The following UMAD1 variants were observed in gnomAD, a reference collection of about 807,000 sequenced individuals.
UMAD1 encodes UBAP1-MVB12-associated (UMA)-domain containing protein 1.
UMAD1 carries 8 observed loss-of-function variants against 6.1 expected under a neutral mutation model. That is an observed-to-expected ratio of 1.30 (90% CI 0.76 to 2.35). The LOEUF (loss-of-function observed/expected upper bound fraction) is 2.35, where lower values mean the gene tolerates loss of function less well. Among genes scored for constraint, UMAD1 ranks in the 30% most tolerant of loss-of-function variants. UMAD1 has a pLI of 0.00. For missense variants in UMAD1, 130 were observed against 78.4 expected (o/e 1.66, Z -2.49); for synonymous variants, 56 against 31.4 (o/e 1.78, Z -2.61).
intron 2 of UMAD1, among the ~76,000 whole-genome samples, chr7:7,719,619 A>C (rs1781004035): frequency 6.6e-6 from 1 of 151,656 alleles, no homozygotes; most frequent in East Asian, 1.9e-4. Flanking sequence ...GAGTTGAGCT[A>C]TAGACAGCCA....
At chr7:7,828,316 A>G (rs1239464586) in intron 3 of UMAD1, among the ~76,000 whole-genome samples, 1 of 152,164 alleles carries the variant, frequency 6.6e-6, no homozygotes. Flanking sequence ...ATGCACATAT[A>G]TCATATAGCT....
intron 2 of UMAD1, among the ~76,000 whole-genome samples, chr7:7,679,854 T>C (rs1042974069): frequency 6.6e-6 from 1 of 151,542 alleles, no homozygotes; most frequent in African/African-American, 2.4e-5. Flanking sequence ...CGTGAGCTGC[T>C]ATGCCTGGCC....
intron 2 of UMAD1, among the ~76,000 whole-genome samples, chr7:7,757,869 C>T (rs1781808491): frequency 6.6e-6 from 1 of 152,120 alleles, no homozygotes; most frequent in Non-Finnish European, 1.5e-5. Context: ...ACTCCCGCCA[C>T]CATTCCAGAG....
At chr7:7,696,808 C>T (rs536154940) in intron 2 of UMAD1, among the ~76,000 whole-genome samples, 2 of 152,264 alleles carry the variant, frequency 1.3e-5, no homozygotes, top group East Asian at 3.9e-4. Flanking sequence ...ACCACACTAA[C>T]ATGTAGATGT....
chr7:7,812,587 G>C (rs953653392), intron 3 of UMAD1, among the ~76,000 whole-genome samples: 24 of 152,086 alleles, frequency 1.6e-4, no homozygotes, highest in Non-Finnish European at 2.4e-4. Context: ...TCAAAATGTG[G>C]AAATACTAGC....
At chr7:7,714,741 G>T (rs1159291924) in intron 2 of UMAD1, among the ~76,000 whole-genome samples, 3 of 152,078 alleles carry the variant, frequency 2.0e-5, no homozygotes, top group African/African-American at 7.2e-5. Flanking sequence ...CTGGGGGAAG[G>T]TTAAAGCAAG....
intron 2 of UMAD1, among the ~76,000 whole-genome samples, chr7:7,790,414 C>T (rs918513413): frequency 2.1e-4 from 32 of 152,218 alleles, no homozygotes; most frequent in African/African-American, 7.7e-4. Context: ...TTTATTCTGT[C>T]TGCGTATTGT....
chr7:7,677,739 T>C, intron 2 of UMAD1, among the ~76,000 whole-genome samples: 1 of 144,990 alleles, frequency 6.9e-6, no homozygotes, highest in African/African-American at 2.6e-5. Flanking sequence ...AGTGGCGGGA[T>C]CTCGGCTCAC....
At chr7:7,761,490 G>C (rs1781889448) in intron 2 of UMAD1, among the ~76,000 whole-genome samples, 1 of 152,084 alleles carries the variant, frequency 6.6e-6, no homozygotes, top group Non-Finnish European at 1.5e-5. Context: ...ATATGTCTTT[G>C]GTTTCAATGC....
chr7:7,877,224 C>T (rs895476297), intron 3 of UMAD1, 57 bp from the exon 4 acceptor site: 26 of 681,088 alleles, frequency 3.8e-5, no homozygotes, highest in Middle Eastern at 2.4e-4. Flanking sequence ...CCACATTTAC[C>T]GTTATTCAAC....
Position 7,682,837 on chromosome 7 carries a change from A to G in UMAD1, c.82+9384A>G, listed in dbSNP as rs75132991. 1.9e-4 allele frequency among the ~76,000 whole-genome samples: 29 copies of G among 152,314 alleles called. No homozygotes were observed. The East Asian group carries it at 5.6e-3, about 29-fold the overall frequency. On this transcript the variant is annotated intron_variant, in intron 2 of 3. Coordinates refer to ENST00000682710, the MANE Select transcript of UMAD1 (RefSeq NM_001302348.2). ...TAAATTGCAAAGCAAGTATGCCAGG[A>G]TTTTTCAACTAACTTCATGATGTAG...
chr7:7,796,287 TC>T (rs1374160644), intron 2 of UMAD1, among the ~76,000 whole-genome samples: 1 of 139,568 alleles, frequency 7.2e-6, no homozygotes, highest in African/African-American at 2.9e-5. Flanking sequence ...GTTTCGCTCT[TC>T]TTGCCCAGGC....
chr7:7,644,354 C>CTTTTT (rs35141799), intron 1 of UMAD1, among the ~76,000 whole-genome samples: 1 of 141,896 alleles, frequency 7.0e-6, no homozygotes, highest in African/African-American at 2.6e-5. Context: ...TCATTCCATC[C>CTTTTT]TTTTTTTTTT....
At chr7:7,805,745 T>G (rs964760277) in intron 3 of UMAD1, among the ~76,000 whole-genome samples, 1 of 152,196 alleles carries the variant, frequency 6.6e-6, no homozygotes, top group Admixed American at 6.5e-5. Flanking sequence ...AGGCTTTGTA[T>G]TTGCTAGTCA....
At chr7:7,793,240 GGAAATTGA>G (rs1563210578) in intron 2 of UMAD1, among the ~76,000 whole-genome samples, 1 of 152,128 alleles carries the variant, frequency 6.6e-6, no homozygotes, top group Non-Finnish European at 1.5e-5. Context: ...TTTCAGATGA[GGAAATTGA>G]GGCACTGAGA....
chr7:7,676,291 G>A, intron 2 of UMAD1: 1 of 396,232 alleles, frequency 2.5e-6, no homozygotes, highest in Non-Finnish European at 4.4e-6. Context: ...TTATTGAGGG[G>A]AATAAATGAG....
intron 2 of UMAD1, among the ~76,000 whole-genome samples, chr7:7,800,018 G>A (rs1205238620): frequency 1.3e-5 from 2 of 152,132 alleles, no homozygotes; most frequent in African/African-American, 2.4e-5. Flanking sequence ...TGAGTAGCTG[G>A]GATTACAGGC....
At chr7:7,820,063 A>C (rs1012393258) in intron 3 of UMAD1, among the ~76,000 whole-genome samples, 1 of 152,218 alleles carries the variant, frequency 6.6e-6, no homozygotes, top group Admixed American at 6.5e-5. Flanking sequence ...GGTAGTTGTC[A>C]CTCAGGCAAA....
intron 3 of UMAD1, among the ~76,000 whole-genome samples, chr7:7,808,731 T>C (rs2115281593): frequency 6.6e-6 from 1 of 152,072 alleles, no homozygotes; most frequent in Admixed American, 6.5e-5. Flanking sequence ...TTTATTTACT[T>C]AGTGGCTTAA....
Sources: allele counts gnomAD v4.1 joint callset (sites outside exome capture counted in the v4.1 genomes callset), GRCh38; gene constraint gnomAD v4.1.1; transcripts MANE v1.5; gene names NCBI Gene and HGNC (gene_info 2026-07-23, HGNC 2026-07-21).